The following PLCL1 variants were observed in gnomAD, a reference collection of about 807,000 sequenced individuals.
PLCL1 encodes the protein inactive phospholipase C-like protein 1.
In PLCL1, 41 loss-of-function variants were observed where a neutral mutation model predicts 84.4. That is an observed-to-expected ratio of 0.49 (90% CI 0.38 to 0.63). PLCL1 has a LOEUF of 0.63. Among genes scored for constraint, PLCL1 ranks in the 30% least tolerant of loss-of-function variants. PLCL1 has a pLI of 0.00. For synonymous variants in PLCL1, 490 were observed against 488.3 expected (o/e 1.00, Z -0.05); for missense variants, 1,206 against 1,367.8 (o/e 0.88, Z 1.87).
chr2:198,125,297 G>T lies in PLCL1; in HGVS notation c.3105+21361G>T, dbSNP rs1271409071. Among the ~76,000 whole-genome samples the T allele has an allele frequency of 4.6e-5, 7 of 152,134 alleles. No homozygotes were observed. The South Asian group carries it at 1.2e-3, about 27-fold the overall frequency. On this transcript the variant is annotated intron_variant, in intron 5 of 5. Transcript: ENST00000428675. ...ATTTCCTTTCCTCTTAGTCTTATGA[G>T]TATTGGGGTTTTGCATTTTGTGAGT...
At chr2:197,977,814 T>C (rs1438963307) in intron 1 of PLCL1, among the ~76,000 whole-genome samples, 1 of 152,192 alleles carries the variant, frequency 6.6e-6, no homozygotes, top group Admixed American at 6.5e-5. Context: ...TTCCATTATT[T>C]CTATTTATGT....
chr2:197,940,927 T>C (rs147945719), intron 1 of PLCL1, among the ~76,000 whole-genome samples: 1 of 152,342 alleles, frequency 6.6e-6, no homozygotes, highest in East Asian at 1.9e-4. Context: ...GATGAAAGTA[T>C]ACAGTCTTAG....
chr2:198,067,950 C>T (rs1559092165), intron 1 of PLCL1, among the ~76,000 whole-genome samples: 2 of 152,174 alleles, frequency 1.3e-5, no homozygotes, highest in Admixed American at 6.5e-5. Context: ...GTCACTTTCT[C>T]TCAATTCATG....
chr2:198,046,006 TG>T (rs894763484), intron 1 of PLCL1, among the ~76,000 whole-genome samples: 9 of 152,122 alleles, frequency 5.9e-5, no homozygotes, highest in African/African-American at 2.2e-4. Flanking sequence ...GGGTGACTGG[TG>T]GGGGGTGGTA....
At chr2:197,832,531 G>A (rs1292464383) in intron 1 of PLCL1, among the ~76,000 whole-genome samples, 1 of 152,054 alleles carries the variant, frequency 6.6e-6, no homozygotes, top group Non-Finnish European at 1.5e-5. Context: ...ACCAAAAAAA[G>A]CCTAGCACCA....
intron 1 of PLCL1, among the ~76,000 whole-genome samples, chr2:197,857,099 C>G (rs933903242): frequency 1.3e-5 from 2 of 151,592 alleles, no homozygotes; most frequent in African/African-American, 4.9e-5. Context: ...ACCTATGTAA[C>G]AAACCTGCAC....
intron 5 of PLCL1, among the ~76,000 whole-genome samples, chr2:198,106,454 G>A (rs1389463273): frequency 1.3e-5 from 2 of 151,886 alleles, no homozygotes; most frequent in Non-Finnish European, 2.9e-5. Flanking sequence ...GGATGGATAA[G>A]GCATCATTTG....
Position 197,889,642 on chromosome 2 carries a change from A to G in PLCL1, c.240+84303A>G, listed in dbSNP as rs541082478. On this transcript the variant is annotated intron_variant, in intron 1 of 5. Coordinates refer to ENST00000428675, the MANE Select transcript of PLCL1 (RefSeq NM_006226.4). ...TTCTGTTGATATTCAAGCATAATAT[A>G]TATTTAAAGCATTCAAAGTTGATCC... Among the ~76,000 whole-genome samples the G allele has an allele frequency of 4.5e-4, 69 of 152,336 alleles. No individual in the cohort carries two copies. In the South Asian group the frequency reaches 0.014, roughly 32 times the overall value.
chr2:198,112,914 G>C (rs1039713119), intron 5 of PLCL1, among the ~76,000 whole-genome samples: 2 of 151,876 alleles, frequency 1.3e-5, no homozygotes, highest in South Asian at 2.1e-4. Context: ...CAGGAAGAAG[G>C]TGGGTGGCAG....
At chr2:197,836,221 G>C (rs904551561) in intron 1 of PLCL1, among the ~76,000 whole-genome samples, 1 of 151,582 alleles carries the variant, frequency 6.6e-6, no homozygotes, top group Non-Finnish European at 1.5e-5. Flanking sequence ...CGAGGCGGGC[G>C]GATCACGAGG....
intron 1 of PLCL1, among the ~76,000 whole-genome samples, chr2:198,029,163 C>A (rs912205527): frequency 3.3e-4 from 50 of 152,176 alleles, no homozygotes; most frequent in Non-Finnish European, 2.2e-4. Context: ...TAAAGACTTT[C>A]TATCTTTGGG....
rs1559099050 is a variant in PLCL1, at chr2:198,085,365, T to C, written c.1848T>C (p.Ser616=). The change falls in exon 2 of 6, where the codon AGT becomes AGC. Residue 616 remains serine (S), a synonymous_variant. Coordinates refer to ENST00000428675, the MANE Select transcript of PLCL1 (RefSeq NM_006226.4). This position sits in a 1 kb window ranked among gnomAD's most constrained non-coding sequence, Gnocchi z 5.3. ...ACTATTGGGAAATGTGTTCATTTAG[T>C]GAAACAGAGGCCAGCCGCATTGCAA... is the stretch of plus-strand genomic sequence containing the variant. ...SQNYWEMCSF[S]ETEASRIANE... The C allele has an allele frequency of 3.1e-6, 5 of 1,612,212 alleles. No individual in the cohort carries two copies. Among genetic ancestry groups the C allele is most frequent in the Non-Finnish European group, 4.2e-6 (5 of 1,178,626 alleles).
chr2:198,024,731 C>A (rs1218554302), intron 1 of PLCL1, among the ~76,000 whole-genome samples: 2 of 151,430 alleles, frequency 1.3e-5, no homozygotes, highest in Non-Finnish European at 2.9e-5. Context: ...CTATTGCAGT[C>A]CAGCTTTGGC....
At chr2:198,060,404 T>C (rs574132113) in intron 1 of PLCL1, among the ~76,000 whole-genome samples, 1 of 152,320 alleles carries the variant, frequency 6.6e-6, no homozygotes, top group South Asian at 2.1e-4. Context: ...CAAAGACATA[T>C]AAACTCCTGG....
In PLCL1 at chr2:197,805,257, G is replaced by A. The variant is rs1690447399; in HGVS notation, c.158G>A (p.Gly53Asp). The A allele has an allele frequency of 7.9e-7, 1 of 1,272,564 alleles. No individual in the cohort carries two copies. Among genetic ancestry groups the A allele is most frequent in the Non-Finnish European group, 9.9e-7 (1 of 1,010,924 alleles). The allele number at this position is 1,272,564 out of a possible 1,614,324, so 78.8% of individuals were successfully genotyped here. The change falls in exon 1 of 6, where the codon GGC becomes GAC. Residue 53 changes from glycine (G) to aspartate (D), a missense_variant. Transcript: ENST00000428675. The surrounding 1 kb of genome is among the most constrained non-coding windows in gnomAD (Gnocchi z 4.0). ...RDRRSGVALP[G>D]AAGTPADSEA... ...CGTCGCAGCGGGGTCGCACTGCCAG[G>A]CGCCGCGGGGACCCCAGCGGACAGC...
chr2:197,988,842 A>T (rs909674058), intron 1 of PLCL1, among the ~76,000 whole-genome samples: 6 of 152,230 alleles, frequency 3.9e-5, no homozygotes, highest in African/African-American at 1.2e-4. Flanking sequence ...TCCCACCAGC[A>T]GTGTATAAGT....
chr2:198,020,701 G>T (rs12693829), intron 1 of PLCL1, among the ~76,000 whole-genome samples: 108,738 of 152,066 alleles, frequency 0.72, 39,600 homozygotes, highest in Middle Eastern at 0.85. Flanking sequence ...GAGCTAACTA[G>T]CCTAAATATA....
intron 1 of PLCL1, among the ~76,000 whole-genome samples, chr2:198,033,540 C>T (rs1415278363): frequency 3.3e-5 from 5 of 152,168 alleles, no homozygotes; most frequent in Admixed American, 6.5e-5. Flanking sequence ...CTCTTGAGAA[C>T]GGTATCTGAG....
intron 4 of PLCL1, among the ~76,000 whole-genome samples, chr2:198,102,284 C>T (rs965291158): frequency 5.3e-5 from 8 of 152,112 alleles, no homozygotes; most frequent in Admixed American, 5.2e-4. Context: ...TTAAGCTTTA[C>T]CTCTGTCCCA....
Sources: allele counts gnomAD v4.1 joint callset (sites outside exome capture counted in the v4.1 genomes callset), GRCh38; gene constraint gnomAD v4.1.1; non-coding constraint Gnocchi (gnomAD v3.1); transcripts MANE v1.5; gene names NCBI Gene and HGNC (gene_info 2026-07-23, HGNC 2026-07-21).